The following MAGI2 variants were observed in gnomAD, a reference collection of about 807,000 sequenced individuals.
MAGI2 encodes membrane associated guanylate kinase, WW and PDZ domain containing 2, also known as membrane-associated guanylate kinase, WW and PDZ domain-containing protein 2.
In MAGI2, 35 loss-of-function variants were observed where a neutral mutation model predicts 133.3. The ratio of observed to expected loss-of-function variants is 0.26; its 90% CI spans 0.20 to 0.35. The LOEUF is 0.35. Ranked by LOEUF, MAGI2 falls within the 10% of genes least tolerant of loss-of-function variation. The pLI is 1.00. For synonymous variants in MAGI2, 729 were observed against 710.6 expected, an observed-to-expected ratio of 1.03 and a Z score of -0.41; for missense variants, 1,636 against 1,863.4, an observed-to-expected ratio of 0.88 and a Z score of 2.25.
intron 1 of MAGI2, among the ~76,000 whole-genome samples, chr7:79,048,789 C>G (rs1290136910): frequency 6.6e-6 from 1 of 152,052 alleles, no homozygotes; most frequent in African/African-American, 2.4e-5. Context: ...GCCTGGCCAA[C>G]AGTGTGAAAT....
chr7:78,573,784 T>C (rs1158949577), intron 3 of MAGI2, among the ~76,000 whole-genome samples: 3 of 151,904 alleles, frequency 2.0e-5, no homozygotes, highest in Non-Finnish European at 4.4e-5. Context: ...GAATGGTGAG[T>C]TGGGTTTTTA....
intron 1 of MAGI2, among the ~76,000 whole-genome samples, chr7:79,171,388 A>C (rs953788690): frequency 2.0e-5 from 3 of 151,946 alleles, no homozygotes; most frequent in African/African-American, 7.2e-5. Context: ...ACTATAACTC[A>C]TCTTAAATAA....
At chr7:78,372,502 C>G (rs534794744) in intron 6 of MAGI2, among the ~76,000 whole-genome samples, 68 of 152,186 alleles carry the variant, frequency 4.5e-4, no homozygotes, top group African/African-American at 1.4e-3. Context: ...CAATACTTGA[C>G]AAATCTGTGG....
chr7:78,447,418 G>C (rs1449290682), intron 6 of MAGI2, among the ~76,000 whole-genome samples: 1 of 151,222 alleles, frequency 6.6e-6, no homozygotes, highest in African/African-American at 2.4e-5. Context: ...ATATAAAATG[G>C]CGATAATTTT....
At chr7:78,956,879 C>A (rs1187266840) in intron 2 of MAGI2, among the ~76,000 whole-genome samples, 3 of 152,130 alleles carry the variant, frequency 2.0e-5, no homozygotes, top group African/African-American at 7.2e-5. Flanking sequence ...AGGCACAGGG[C>A]TAAAATGAAT....
At chr7:78,948,101 AG>A (rs1801574998) in intron 2 of MAGI2, among the ~76,000 whole-genome samples, 1 of 152,046 alleles carries the variant, frequency 6.6e-6, no homozygotes, top group Admixed American at 6.6e-5. Flanking sequence ...TGATTTATGT[AG>A]GGCCAGACCA....
intron 2 of MAGI2, among the ~76,000 whole-genome samples, chr7:78,713,199 A>G (rs934317921): frequency 6.6e-6 from 1 of 152,122 alleles, no homozygotes; most frequent in Admixed American, 6.5e-5. Context: ...TTAGTCTCCT[A>G]TTTTACTCCT....
At chr7:78,761,456 G>A (rs1824497946) in intron 2 of MAGI2, among the ~76,000 whole-genome samples, 1 of 150,710 alleles carries the variant, frequency 6.6e-6, no homozygotes, top group Admixed American at 6.6e-5. Context: ...GTTAAAATAT[G>A]TAGATTCTGA....
intron 6 of MAGI2, among the ~76,000 whole-genome samples, chr7:78,370,186 G>A (rs953070969): frequency 1.3e-5 from 2 of 152,142 alleles, no homozygotes; most frequent in African/African-American, 4.8e-5. Flanking sequence ...AATAACCAGT[G>A]TTAATATTTA....
intron 1 of MAGI2, among the ~76,000 whole-genome samples, chr7:79,376,296 AT>A (rs1843376506): frequency 6.6e-6 from 1 of 151,928 alleles, no homozygotes; most frequent in Non-Finnish European, 1.5e-5. Context: ...AGATAGAACA[AT>A]TATAACAATA....
intron 1 of MAGI2, among the ~76,000 whole-genome samples, chr7:79,083,264 AG>A (rs1334891751): frequency 6.7e-6 from 1 of 149,880 alleles, no homozygotes. Context: ...TACTGATTTA[AG>A]GGGAAAACAC....
chr7:78,818,440 G>GA (rs1315311017), intron 2 of MAGI2, among the ~76,000 whole-genome samples: 16 of 152,128 alleles, frequency 1.1e-4, no homozygotes, highest in Admixed American at 3.9e-4. Context: ...AGACATGGCT[G>GA]AAATAATTTC....
At chr7:79,383,499 A>G (rs987451798) in intron 1 of MAGI2, among the ~76,000 whole-genome samples, 11 of 151,604 alleles carry the variant, frequency 7.3e-5, no homozygotes, top group African/African-American at 2.7e-4. Flanking sequence ...TACATGGTCT[A>G]TAAATTATTT....
chr7:78,665,220 G>T (rs1813421183), intron 2 of MAGI2, among the ~76,000 whole-genome samples: 1 of 151,646 alleles, frequency 6.6e-6, no homozygotes, highest in Admixed American at 6.6e-5. Flanking sequence ...CTTGATACGT[G>T]GTATCAAATT....
At chr7:78,366,049 A>C (rs1417087437) in intron 7 of MAGI2, among the ~76,000 whole-genome samples, 1 of 152,158 alleles carries the variant, frequency 6.6e-6, no homozygotes, top group East Asian at 1.9e-4. Flanking sequence ...TGGAAGGTGG[A>C]ATCTTTTTCA....
At chr7:78,827,754 T>A (rs1790790519) in intron 2 of MAGI2, among the ~76,000 whole-genome samples, 1 of 152,204 alleles carries the variant, frequency 6.6e-6, no homozygotes, top group Non-Finnish European at 1.5e-5. Flanking sequence ...TCCATGTGTT[T>A]ATGTTGATAT....
chr7:79,199,226 C>A (rs1828372301), intron 1 of MAGI2, among the ~76,000 whole-genome samples: 1 of 151,892 alleles, frequency 6.6e-6, no homozygotes, highest in Admixed American at 6.5e-5. Flanking sequence ...ATGATTCCAA[C>A]AAGAGTAATA....
chr7:78,719,292 A>G (rs530399751), intron 2 of MAGI2, among the ~76,000 whole-genome samples: 88 of 152,222 alleles, frequency 5.8e-4, no homozygotes, highest in Non-Finnish European at 9.3e-4. Context: ...TGCATGTCCA[A>G]ATAAAATAAT....
At chr7:79,241,707 G>C (rs1029762554) in intron 1 of MAGI2, among the ~76,000 whole-genome samples, 1 of 152,058 alleles carries the variant, frequency 6.6e-6, no homozygotes, top group Non-Finnish European at 1.5e-5. Context: ...TTCTATAATT[G>C]TTTACTGCAC....
Sources: allele counts gnomAD v4.1 joint callset (sites outside exome capture counted in the v4.1 genomes callset), GRCh38; gene constraint gnomAD v4.1.1; transcripts MANE v1.5; gene names NCBI Gene and HGNC (gene_info 2026-07-23, HGNC 2026-07-21).